Variants in THADA observed in about 807,000 individuals in gnomAD.
THADA encodes tRNA (32-2'-O)-methyltransferase regulator THADA.
THADA carries 213 observed loss-of-function variants against 219.8 expected under a neutral mutation model. The observed-to-expected ratio is 0.97, with a 90% CI of 0.87 to 1.09. The LOEUF is 1.09. Ranked by LOEUF, THADA falls within the 50% of genes least tolerant of loss-of-function variation. THADA has a pLI of 0.00. For synonymous variants in THADA, 1,018 were observed against 828.9 expected, an observed-to-expected ratio of 1.23 and a Z score of -3.92; for missense variants, 2,956 against 2,311.3, an observed-to-expected ratio of 1.28 and a Z score of -5.72.
At position 43,570,372 on chromosome 2, in the gene THADA, G is replaced by C; in HGVS notation, c.2187+16C>G. On this transcript the variant is annotated intron_variant, in intron 14 of 37. Transcript: ENST00000405975. ...ATTTAAAAAAAAACTCTCATGTTTA[G>C]AAATATATCACCTACCTTATACTGC... is the stretch of plus-strand genomic sequence containing the variant. The C allele has an allele frequency of 6.3e-7, 1 of 1,577,930 alleles. No individual in the cohort carries two copies. The highest frequency in any genetic ancestry group is 8.6e-7 in the Non-Finnish European group (1 of 1,169,100).
chr2:43,309,548 C>T (rs139552257), intron 31 of THADA, among the ~76,000 whole-genome samples: 1,672 of 151,764 alleles, frequency 0.011, 20 homozygotes, highest in Non-Finnish European at 0.015. Context: ...GATAAAATTA[C>T]AATATCATCT....
At chr2:43,497,572 C>T (rs1256817479) in intron 25 of THADA, among the ~76,000 whole-genome samples, 1 of 152,136 alleles carries the variant, frequency 6.6e-6, no homozygotes, top group East Asian at 1.9e-4. Context: ...GGACAAATAG[C>T]TAATGCATGC....
At chr2:43,509,637 A>T (rs1690137188) in intron 22 of THADA, among the ~76,000 whole-genome samples, 1 of 152,176 alleles carries the variant, frequency 6.6e-6, no homozygotes, top group Non-Finnish European at 1.5e-5. Context: ...TCTTAGGAAC[A>T]TTGGGATTTT....
At chr2:43,544,882 A>G (rs1418894225) in intron 20 of THADA, among the ~76,000 whole-genome samples, 9 of 149,410 alleles carry the variant, frequency 6.0e-5, no homozygotes, top group Admixed American at 2.0e-4. Context: ...TCTCCTGCCT[A>G]ATTGCCCTGG....
chr2:43,287,087 G>A (rs41281455), intron 34 of THADA, 26 bp from the exon 35 acceptor site: 77,827 of 1,593,638 alleles, frequency 0.049, 3,086 homozygotes, highest in South Asian at 0.17. Context: ...GTACCTATCA[G>A]TAGTTCAGAA....
chr2:43,409,827 C>G (rs1022852381), intron 28 of THADA, among the ~76,000 whole-genome samples: 1 of 151,802 alleles, frequency 6.6e-6, no homozygotes. Context: ...CGAGACCAGC[C>G]TGGGCAAAAT....
rs186479922 is a variant in THADA, at chr2:43,294,505, T to G, written c.4439-1292A>C. On this transcript the variant is annotated intron_variant, in intron 31 of 37. Coordinates refer to ENST00000405975, the MANE Select transcript of THADA (RefSeq NM_022065.5). ...TCCCATAACACTGGAGCATAAAATT[T>G]GAGGTGGGAAAGGGCAGGAGATGAG... is the stretch of plus-strand genomic sequence containing the variant. Among the ~76,000 whole-genome samples, 46 of 152,228 alleles carry G rather than the reference T, an allele frequency of 3.0e-4. No homozygotes were observed. The East Asian group carries it at 6.4e-3, about 21-fold the overall frequency.
At chr2:43,503,147 AGAC>A (rs1689228181) in intron 24 of THADA, among the ~76,000 whole-genome samples, 1 of 152,104 alleles carries the variant, frequency 6.6e-6, no homozygotes, top group Admixed American at 6.6e-5. Flanking sequence ...ACCACTTTGG[AGAC>A]AACATAACAG....
rs540380004 is a variant in THADA at position 43,244,644 on chromosome 2, A to G, written c.5297-11762T>C. On this transcript the variant is annotated intron_variant, in intron 36 of 37. Transcript: ENST00000405975. The stretch of plus-strand genomic sequence containing the variant: ...AGCAAGCAGTGGGCCCTGTCCAGCC[A>G]TTTTGGCCTGCATTTGGCATTCTTG... Among the ~76,000 whole-genome samples the G allele has an allele frequency of 2.0e-5, 3 of 152,242 alleles. No homozygotes were observed. In the South Asian group the frequency reaches 6.2e-4, roughly 32 times the overall value.
chr2:43,274,992 T>C (rs1302896343), intron 36 of THADA, among the ~76,000 whole-genome samples: 8 of 125,006 alleles, frequency 6.4e-5, no homozygotes, highest in African/African-American at 2.1e-4. Flanking sequence ...TCTTTTCTTT[T>C]CTTTTCTTTT....
At chr2:43,235,205 C>T (rs1039833231) in intron 36 of THADA, among the ~76,000 whole-genome samples, 2 of 152,082 alleles carry the variant, frequency 1.3e-5, no homozygotes, top group Non-Finnish European at 2.9e-5. Flanking sequence ...GTCTTGAACT[C>T]CTGACCTCAA....
intron 36 of THADA, 40 bp downstream of exon 36, chr2:43,279,725 T>C: frequency 1.3e-6 from 2 of 1,533,530 alleles, no homozygotes; most frequent in Non-Finnish European, 1.8e-6. Context: ...ACCTCTATCC[T>C]GCAGCGATAA....
In THADA at chr2:43,279,792, A is replaced by T; in HGVS notation, c.5269T>A (p.Ser1757Thr). ...GTTGACTGGCAGGTATTTTCTTGTG[A>T]CATGGCAGTTGTCACGGTTTCCGTG... is the stretch of plus-strand genomic sequence containing the variant. ...AATETVTTAM[S>T]QENTCQSTEF... Residue 1757 changes from serine to threonine, a missense_variant, in exon 36 of 38, where the codon TCA becomes ACA. By Grantham distance (58) the Ser-to-Thr change is moderately conservative (BLOSUM62 1). Transcript: ENST00000405975. 6.4e-7 allele frequency: 1 copy of T among 1,551,760 alleles called. No individual in the cohort carries two copies. Among genetic ancestry groups the T allele is most frequent in the Non-Finnish European group, 8.7e-7 (1 of 1,147,132 alleles).
chr2:43,412,993 G>C (rs1263876669), intron 28 of THADA, among the ~76,000 whole-genome samples: 1 of 152,138 alleles, frequency 6.6e-6, no homozygotes, highest in African/African-American at 2.4e-5. Flanking sequence ...GAGTGCATGA[G>C]TTCAATACAC....
intron 24 of THADA, among the ~76,000 whole-genome samples, chr2:43,499,471 G>C (rs1688658131): frequency 6.6e-6 from 1 of 152,146 alleles, no homozygotes; most frequent in Non-Finnish European, 1.5e-5. Flanking sequence ...CCACCTCCCA[G>C]GTTCAAGCGA....
At chr2:43,486,804 T>C (rs1558839875) in intron 25 of THADA, 1 of 152,150 alleles carries the variant, frequency 6.6e-6, no homozygotes, top group Non-Finnish European at 1.5e-5. Flanking sequence ...CTGGTTTTTA[T>C]GTGAAATCTA....
At chr2:43,551,385 C>G (rs1696720058) in intron 19 of THADA, among the ~76,000 whole-genome samples, 1 of 152,058 alleles carries the variant, frequency 6.6e-6, no homozygotes, top group African/African-American at 2.4e-5. Context: ...TACTTAATGG[C>G]TGAGGAGCCC....
rs1482073094 is a variant in THADA at position 43,592,388 on chromosome 2, C to A, written c.5G>T (p.Gly2Val). 6 of 1,597,736 alleles carry A rather than the reference C, an allele frequency of 3.8e-6. No individual in the cohort carries two copies. The East Asian group carries it at 1.1e-4, about 30-fold the overall frequency. Residue 2 changes from glycine to valine, a missense_variant, in exon 2 of 38, where the codon GGT becomes GTT. Coordinates refer to ENST00000405975, the MANE Select transcript of THADA (RefSeq NM_022065.5). ...TTGCATTTCTTTCTTCTTCTTTACA[C>A]CCATTTTAAATAGAATTAATAGTAG... M[G>V]VKKKKEMQVA...
In THADA at chr2:43,495,090, G is replaced by A. The variant is rs77094202; in HGVS notation, c.3744+3743C>T. 2.2e-4 allele frequency among the ~76,000 whole-genome samples: 34 copies of A among 152,234 alleles called. 2 individuals carry two copies. The East Asian group carries it at 5.8e-3, about 26-fold the overall frequency. ...AGTTCTGCAAATCAAACCGTATTTC[G>A]TATGCATTAAGGAAAAATCACACTT... On this transcript the variant is annotated intron_variant, in intron 25 of 37. Transcript: ENST00000405975.
Sources: allele counts gnomAD v4.1 joint callset (sites outside exome capture counted in the v4.1 genomes callset), GRCh38; gene constraint gnomAD v4.1.1; transcripts MANE v1.5; gene names NCBI Gene and HGNC (gene_info 2026-07-23, HGNC 2026-07-21).